ULK4: variants seen among roughly 807,000 people sequenced by gnomAD.
ULK4 encodes the protein unc-51 like kinase 4.
ULK4 carries 133 observed loss-of-function variants against 160.6 expected under a neutral mutation model. That is an observed-to-expected ratio of 0.83 (90% CI 0.72 to 0.96). The LOEUF is 0.96. ULK4 is among the 40% of genes least tolerant of loss of function. The probability of loss-of-function intolerance (pLI) is 0.00; values close to 1 mark genes in which losing one functional copy is unlikely to be tolerated. For synonymous variants in ULK4, 534 were observed against 539.8 expected, an observed-to-expected ratio of 0.99 and a Z score of 0.15; for missense variants, 1,580 against 1,499.5, an observed-to-expected ratio of 1.05 and a Z score of -0.89.
chr3:41,615,669 CAG>C lies in ULK4; in HGVS notation c.3118_3119del (p.Leu1040GlyfsTer9). Reference protein sequence around the residue: ...KLIPLIFEVTLEHQESILGNT... With the variant: ...KLIPLIFEVTXEHQESILGNT... ...TTCAAATGCACATTTCCGTTCTTAC[CAG>C]AGTTACTTCAAAAATGAGTGGGATC... On this transcript the variant is annotated frameshift_variant and splice_region_variant, in exon 31 of 37. Coordinates refer to ENST00000301831, the MANE Select transcript of ULK4 (RefSeq NM_017886.4). LOFTEE classifies it high-confidence loss of function. 2 of 1,612,802 alleles carry C rather than the reference CAG, an allele frequency of 1.2e-6. No homozygotes were observed. Among genetic ancestry groups the C allele is most frequent in the Middle Eastern group, 1.7e-4 (1 of 6,014 alleles).
At chr3:41,697,652 T>C (rs1475180679) in intron 27 of ULK4, among the ~76,000 whole-genome samples, 1 of 152,214 alleles carries the variant, frequency 6.6e-6, no homozygotes, top group East Asian at 1.9e-4. Context: ...TAATTGTTTT[T>C]TTAATTTTTT....
intron 35 of ULK4, among the ~76,000 whole-genome samples, chr3:41,331,281 A>G (rs1310633968): frequency 2.0e-5 from 3 of 152,180 alleles, no homozygotes; most frequent in African/African-American, 7.2e-5. Context: ...CATGTAAGAG[A>G]CATTAAGAGA....
chr3:41,638,374 T>C (rs1197172461), intron 30 of ULK4, among the ~76,000 whole-genome samples: 1 of 152,166 alleles, frequency 6.6e-6, no homozygotes, highest in Non-Finnish European at 1.5e-5. Context: ...CATTTGTTTA[T>C]CCTGTAAACA....
At chr3:41,411,420 C>CTT (rs556696303) in intron 34 of ULK4, among the ~76,000 whole-genome samples, 102 of 143,032 alleles carry the variant, frequency 7.1e-4, no homozygotes, top group Middle Eastern at 7.5e-3. Context: ...ACATTCCTTT[C>CTT]TTTTTTTTTT....
At chr3:41,485,712 T>C (rs970397757) in intron 32 of ULK4, among the ~76,000 whole-genome samples, 3 of 152,138 alleles carry the variant, frequency 2.0e-5, no homozygotes, top group African/African-American at 7.2e-5. Flanking sequence ...ATGACAACAA[T>C]CAGCAGGGAG....
chr3:41,647,110 G>A (rs1440835777), intron 30 of ULK4, among the ~76,000 whole-genome samples: 1 of 152,118 alleles, frequency 6.6e-6, no homozygotes, highest in Non-Finnish European at 1.5e-5. Context: ...TTTTTTTAAA[G>A]TTTGTAACTT....
At chr3:41,273,512 G>A (rs556824603) in intron 35 of ULK4, among the ~76,000 whole-genome samples, 54 of 152,190 alleles carry the variant, frequency 3.5e-4, no homozygotes, top group African/African-American at 1.2e-3. Flanking sequence ...CCAGGGTTCC[G>A]CTCCAGTACT....
intron 16 of ULK4, among the ~76,000 whole-genome samples, chr3:41,886,499 A>G (rs1349660475): frequency 2.6e-5 from 4 of 152,216 alleles, no homozygotes; most frequent in African/African-American, 9.6e-5. Context: ...TCTCAGTAGA[A>G]TTAGGCTAAA....
chr3:41,879,970 A>G (rs775945748), intron 17 of ULK4, among the ~76,000 whole-genome samples: 5 of 151,864 alleles, frequency 3.3e-5, no homozygotes, highest in Admixed American at 6.6e-5. Context: ...TACAAAATAA[A>G]TTAGCTGGGC....
At chr3:41,508,441 C>T (rs1048115916) in intron 32 of ULK4, among the ~76,000 whole-genome samples, 1 of 152,104 alleles carries the variant, frequency 6.6e-6, no homozygotes, top group Non-Finnish European at 1.5e-5. Flanking sequence ...AACCTGGCAA[C>T]CCTAAGGCAA....
intron 31 of ULK4, among the ~76,000 whole-genome samples, chr3:41,571,715 G>A (rs1285486741): frequency 6.6e-6 from 1 of 152,200 alleles, no homozygotes; most frequent in African/African-American, 2.4e-5. Context: ...TGCTCCTCTG[G>A]GAGAGCCCCT....
At chr3:41,656,855 T>G (rs1365648040) in intron 30 of ULK4, among the ~76,000 whole-genome samples, 1 of 152,174 alleles carries the variant, frequency 6.6e-6, no homozygotes, top group East Asian at 1.9e-4. Context: ...ACAGCTAAAT[T>G]TTGCTCCAAA....
chr3:41,333,580 G>A (rs1335019575), intron 35 of ULK4, among the ~76,000 whole-genome samples: 1 of 152,138 alleles, frequency 6.6e-6, no homozygotes, highest in Non-Finnish European at 1.5e-5. Flanking sequence ...TTACCTAAGG[G>A]TAAGCAAGGG....
In ULK4 at chr3:41,954,611, C is replaced by T; in HGVS notation, c.138+11G>A. The stretch of plus-strand genomic sequence containing the variant: ...CTCTTTCCCCATGCCAATGGAAATA[C>T]ACTGACTTACCCAGTTGGTTATTTC... On this transcript the variant is annotated intron_variant, in intron 2 of 36. Transcript: ENST00000301831. 1 of 1,609,062 alleles carries T rather than the reference C, an allele frequency of 6.2e-7. No homozygotes were observed. The highest frequency in any genetic ancestry group is 8.5e-7 in the Non-Finnish European group (1 of 1,177,910).
chr3:41,506,771 T>TATATATATATATAAATATATATAA (rs2085400268), intron 32 of ULK4, among the ~76,000 whole-genome samples: 3 of 26,336 alleles, frequency 1.1e-4, no homozygotes, highest in African/African-American at 4.0e-4. Context: ...ATTTAAAATA[T>TATATATATATATAAATATATATAA]ATATATATAT....
At chr3:41,455,217 T>G (rs912470615) in intron 34 of ULK4, among the ~76,000 whole-genome samples, 28 of 152,194 alleles carry the variant, frequency 1.8e-4, no homozygotes, top group African/African-American at 6.8e-4. Context: ...TCTTCTTTCC[T>G]CTTAGAATTC....
intron 30 of ULK4, among the ~76,000 whole-genome samples, chr3:41,655,662 A>T (rs925947087): frequency 2.6e-5 from 4 of 152,180 alleles, no homozygotes; most frequent in South Asian, 4.1e-4. Flanking sequence ...AGTGGTGATC[A>T]CAACAGTGCT....
At chr3:41,287,531 G>T (rs780375155) in intron 35 of ULK4, among the ~76,000 whole-genome samples, 13 of 152,228 alleles carry the variant, frequency 8.5e-5, no homozygotes, top group Non-Finnish European at 1.3e-4. Context: ...GCCCCCATGG[G>T]ATGAAATTTG....
intron 31 of ULK4, among the ~76,000 whole-genome samples, chr3:41,575,468 G>A (rs1342002446): frequency 6.6e-6 from 1 of 152,168 alleles, no homozygotes; most frequent in Non-Finnish European, 1.5e-5. Context: ...AGCCAAAAAT[G>A]TATGGTGCTC....
Sources: allele counts gnomAD v4.1 joint callset (sites outside exome capture counted in the v4.1 genomes callset), GRCh38; gene constraint gnomAD v4.1.1; transcripts MANE v1.5; gene names NCBI Gene and HGNC (gene_info 2026-07-23, HGNC 2026-07-21).